The following CEP112 variants were observed in gnomAD, a reference collection of about 807,000 sequenced individuals.
The protein encoded by CEP112 is centrosomal protein 112, also known as centrosomal protein of 112 kDa.
Under a neutral mutation model 153.0 loss-of-function variants are expected in CEP112, and 127 were observed. The ratio of observed to expected loss-of-function variants is 0.83; its 90% confidence interval spans 0.72 to 0.96. The LOEUF (loss-of-function observed/expected upper bound fraction) is 0.96, where lower values mean the gene tolerates loss of function less well. Among genes scored for constraint, CEP112 ranks in the 40% least tolerant of loss-of-function variants. The pLI is 0.00. For missense variants in CEP112, 1,089 were observed against 1,101.2 expected (o/e 0.99, Z 0.16); for synonymous variants, 358 against 374.4 (o/e 0.96, Z 0.51).
intron 20 of CEP112, among the ~76,000 whole-genome samples, chr17:65,884,238 T>C (rs1442943850): frequency 6.6e-6 from 1 of 151,878 alleles, no homozygotes; most frequent in Non-Finnish European, 1.5e-5. Flanking sequence ...CGTGGAGAAG[T>C]AGAAGTGGAA....
chr17:65,934,126 T>C (rs2061224699), intron 18 of CEP112, among the ~76,000 whole-genome samples: 1 of 152,044 alleles, frequency 6.6e-6, no homozygotes, highest in Non-Finnish European at 1.5e-5. Flanking sequence ...GAGGCGGAGG[T>C]TGCAATGAGC....
chr17:65,937,571 G>A (rs1320180394), intron 18 of CEP112, among the ~76,000 whole-genome samples: 4 of 108,524 alleles, frequency 3.7e-5, no homozygotes, highest in South Asian at 4.6e-4. Context: ...GGAGGTGGGG[G>A]GGGTCAGCCC....
chr17:66,070,699 C>T (rs2067280173), intron 8 of CEP112, among the ~76,000 whole-genome samples: 1 of 152,036 alleles, frequency 6.6e-6, no homozygotes, highest in South Asian at 2.1e-4. Context: ...ATTAAAAGAG[C>T]AATAGTGACA....
chr17:65,659,015 CAAAAAA>C (rs777326885), intron 24 of CEP112, among the ~76,000 whole-genome samples: 4 of 55,578 alleles, frequency 7.2e-5, no homozygotes, highest in African/African-American at 1.2e-4. Flanking sequence ...GACTCTGTCT[CAAAAAA>C]AAAAAAAAAA....
intron 16 of CEP112, among the ~76,000 whole-genome samples, chr17:66,026,741 G>A (rs2065228458): frequency 1.3e-5 from 2 of 152,288 alleles, no homozygotes. Flanking sequence ...TGTACTTTAA[G>A]TCATCTCATA....
At chr17:65,775,534 C>T (rs533611125) in intron 21 of CEP112, among the ~76,000 whole-genome samples, 1 of 151,884 alleles carries the variant, frequency 6.6e-6, no homozygotes, top group East Asian at 1.9e-4. Context: ...TGGAGTCTCG[C>T]TATGTCATCC....
chr17:65,837,452 G>A (rs1037007541), intron 21 of CEP112, among the ~76,000 whole-genome samples: 7 of 151,766 alleles, frequency 4.6e-5, no homozygotes, highest in East Asian at 1.9e-4. Flanking sequence ...CTGCCCAGCC[G>A]CTACCCCGTC....
intron 24 of CEP112, chr17:65,688,135 T>C (rs1335762078): frequency 6.6e-6 from 1 of 152,234 alleles, no homozygotes; most frequent in Non-Finnish European, 1.5e-5. Flanking sequence ...AAATAGGTCA[T>C]TAGCTATTGT....
chr17:65,674,080 T>G (rs1282677753), intron 24 of CEP112, among the ~76,000 whole-genome samples: 1 of 152,150 alleles, frequency 6.6e-6, no homozygotes, highest in East Asian at 1.9e-4. Flanking sequence ...TTTCACCATG[T>G]TAGTCAGGTT....
chr17:65,779,978 C>T (rs1309942592), intron 21 of CEP112, among the ~76,000 whole-genome samples: 1 of 151,930 alleles, frequency 6.6e-6, no homozygotes, highest in African/African-American at 2.4e-5. Flanking sequence ...CTGATGAATC[C>T]ATTCTAAGAA....
At chr17:65,875,849 C>T (rs2058808530) in intron 20 of CEP112, among the ~76,000 whole-genome samples, 1 of 152,104 alleles carries the variant, frequency 6.6e-6, no homozygotes, top group Non-Finnish European at 1.5e-5. Context: ...AGTATATTTT[C>T]TATGTTTCAT....
At chr17:65,759,599 A>G (rs1008912660) in intron 21 of CEP112, among the ~76,000 whole-genome samples, 1 of 152,204 alleles carries the variant, frequency 6.6e-6, no homozygotes, top group African/African-American at 2.4e-5. Context: ...AAAATTCATG[A>G]CTGCTGCCCT....
chr17:65,968,889 T>C (rs527842148), intron 17 of CEP112, among the ~76,000 whole-genome samples: 1 of 152,278 alleles, frequency 6.6e-6, no homozygotes, highest in South Asian at 2.1e-4. Context: ...ATTAGCTGAA[T>C]TTATAATAAG....
rs11309560 is a variant in CEP112, at chr17:65,639,684, CAA to C, written c.2799+1278_2799+1279del. Among the ~76,000 whole-genome samples the C allele has an allele frequency of 1.2e-3, 136 of 115,086 alleles. 1 individual carries two copies. The highest frequency in any genetic ancestry group is 4.4e-3 in the Middle Eastern group (1 of 226). 75.5% of individuals were successfully genotyped at this position (115,086 alleles called of 152,430 possible). A position where few individuals can be genotyped will look rare whatever the true frequency, so the allele number is the denominator to read the frequency against. ...TGGGTGACAAAGTGAAACTCTGTCT[CAA>C]AAAAAAAAAAAAAAAATCAAAGTGT... On this transcript the variant is annotated intron_variant, in intron 25 of 26. Coordinates refer to ENST00000535342, the MANE Select transcript of CEP112 (RefSeq NM_001199165.4).
intron 17 of CEP112, among the ~76,000 whole-genome samples, chr17:66,000,684 T>C (rs924293709): frequency 1.3e-5 from 2 of 152,076 alleles, no homozygotes; most frequent in African/African-American, 4.8e-5. Flanking sequence ...ATTTGGAGCA[T>C]CTGGAGGAGC....
Position 65,903,354 on chromosome 17 carries a change from A to G in CEP112, c.1981-1020T>C, listed in dbSNP as rs2059946103. On this transcript the variant is annotated intron_variant, in intron 19 of 26. Coordinates refer to ENST00000535342, the MANE Select transcript of CEP112 (RefSeq NM_001199165.4). ...AAATCGATCTTGTTTCGTGCAATGA[A>G]TCACCAGACTACCTTATCTTAAAGC... 3 of 152,366 alleles carry G rather than the reference A, an allele frequency of 2.0e-5. No homozygotes were observed. The South Asian group carries it at 6.2e-4, about 32-fold the overall frequency. 9.4% of individuals were successfully genotyped at this position (152,366 alleles called of 1,614,324 possible). A position where few individuals can be genotyped will look rare whatever the true frequency, so the allele number is the denominator to read the frequency against.
chr17:65,758,213 C>A (rs987439961), intron 21 of CEP112, among the ~76,000 whole-genome samples: 1 of 152,064 alleles, frequency 6.6e-6, no homozygotes, highest in Non-Finnish European at 1.5e-5. Flanking sequence ...TAGTAGTGGT[C>A]GTTGTTTTCA....
At chr17:65,783,563 T>C (rs1288291506) in intron 21 of CEP112, among the ~76,000 whole-genome samples, 1 of 152,190 alleles carries the variant, frequency 6.6e-6, no homozygotes, top group African/African-American at 2.4e-5. Flanking sequence ...AATAAATGGA[T>C]AAGAAAATTG....
At chr17:65,653,710 T>C (rs1001754137) in intron 24 of CEP112, among the ~76,000 whole-genome samples, 1 of 152,170 alleles carries the variant, frequency 6.6e-6, no homozygotes, top group East Asian at 1.9e-4. Flanking sequence ...TGGGCCTTTA[T>C]GCAGCCAAAC....
Sources: gnomAD v4.1 joint callset for allele counts (sites outside exome capture counted in the v4.1 genomes callset) on GRCh38, gnomAD v4.1.1 for gene constraint, MANE v1.5 for transcripts, NCBI Gene and HGNC (gene_info 2026-07-23, HGNC 2026-07-21) for gene names.